KANSL3: variants seen among roughly 807,000 people sequenced by gnomAD.
KANSL3 encodes the protein KAT8 regulatory NSL complex subunit 3, also known as NSL complex protein NSL3.
Under a neutral mutation model 89.2 loss-of-function variants are expected in KANSL3, and 16 were observed. That is an observed-to-expected ratio of 0.18 (90% CI 0.12 to 0.27). KANSL3 has a LOEUF of 0.27. Among genes scored for constraint, KANSL3 ranks in the 10% least tolerant of loss-of-function variants. The pLI is 1.00. For synonymous variants in KANSL3, 385 were observed against 419.7 expected, an observed-to-expected ratio of 0.92 and a Z score of 1.01; for missense variants, 879 against 1,110.6, an observed-to-expected ratio of 0.79 and a Z score of 2.96.
intron 3 of KANSL3, among the ~76,000 whole-genome samples, chr2:96,626,409 A>T (rs1043816691): frequency 5.3e-5 from 8 of 152,204 alleles, no homozygotes; most frequent in Admixed American, 2.0e-4. Context: ...CTTGGACTTA[A>T]AATTTCAAAC....
Position 96,602,825 on chromosome 2 carries a change from G to A in KANSL3, c.2187C>T (p.Ser729=). ...TSASSLLQGL[S]FSLQDISSKT... ...TGCTGCTGATATCCTGCAAGCTGAA[G>A]CTGAGGCCTTGGAGGAGGCTGCTGG... The change falls in exon 18 of 21, where the codon AGC becomes AGT. Residue 729 remains serine (S), a synonymous_variant. Transcript: ENST00000431828. 13 of 1,613,772 alleles carry A rather than the reference G, an allele frequency of 8.1e-6. No individual in the cohort carries two copies. Among genetic ancestry groups the A allele is most frequent in the Non-Finnish European group, 1.1e-5 (13 of 1,179,786 alleles).
At chr2:96,607,329 A>G (rs919315484) in intron 14 of KANSL3, among the ~76,000 whole-genome samples, 2 of 152,190 alleles carry the variant, frequency 1.3e-5, no homozygotes, top group Non-Finnish European at 2.9e-5. Context: ...GTTCGCTATT[A>G]GTATTCCCCG....
At chr2:96,599,429 T>C (rs2066878308) in intron 20 of KANSL3, among the ~76,000 whole-genome samples, 1 of 152,234 alleles carries the variant, frequency 6.6e-6, no homozygotes. Context: ...ATGTTATATA[T>C]GTTTTACCAC....
intron 18 of KANSL3, 95 bp from the exon 19 acceptor site, chr2:96,602,433 G>T: frequency 1.1e-6 from 1 of 882,868 alleles, no homozygotes; most frequent in Non-Finnish European, 1.8e-6. Context: ...AGGCTAACAT[G>T]TATTGAGTGC....
intron 20 of KANSL3, chr2:96,600,239 T>C (rs2066989598): frequency 6.0e-6 from 1 of 167,624 alleles, no homozygotes; most frequent in Admixed American, 6.5e-5. Context: ...TAAAATAACA[T>C]ACTTTGTGTA....
downstream of KANSL3, among the ~76,000 whole-genome samples, chr2:96,592,730 G>A (rs924954425): frequency 1.3e-5 from 2 of 152,208 alleles, no homozygotes; most frequent in Non-Finnish European, 2.9e-5. Flanking sequence ...CAGGCTGGGT[G>A]TGGTGGCTCA....
intron 5 of KANSL3, among the ~76,000 whole-genome samples, chr2:96,618,812 T>C (rs2070705353): frequency 6.6e-6 from 1 of 152,226 alleles, no homozygotes; most frequent in African/African-American, 2.4e-5. Flanking sequence ...CCTGATGCAA[T>C]CACTGGAATC....
At chr2:96,612,012 T>C (rs1335505385) in intron 9 of KANSL3, among the ~76,000 whole-genome samples, 1 of 150,414 alleles carries the variant, frequency 6.6e-6, no homozygotes, top group Admixed American at 6.7e-5. Flanking sequence ...CAGGGTGAGA[T>C]GAAACAAGCC....
chr2:96,630,986 TATATC>T (rs978548108), intron 3 of KANSL3, among the ~76,000 whole-genome samples: 4 of 152,254 alleles, frequency 2.6e-5, no homozygotes, highest in African/African-American at 9.6e-5. Context: ...GGGTAACCCC[TATATC>T]ATAACTTATA....
At chr2:96,613,235 G>A (rs1395307410) in intron 6 of KANSL3, among the ~76,000 whole-genome samples, 1 of 152,118 alleles carries the variant, frequency 6.6e-6, no homozygotes, top group Non-Finnish European at 1.5e-5. Context: ...GCTGGGCATG[G>A]TGGTGCATGC....
intron 5 of KANSL3, among the ~76,000 whole-genome samples, chr2:96,614,309 G>A (rs1241585282): frequency 2.0e-5 from 3 of 152,056 alleles, no homozygotes; most frequent in African/African-American, 4.8e-5. Flanking sequence ...GGTCAGGATG[G>A]TCTTGAACTC....
At chr2:96,605,199 T>C in intron 15 of KANSL3, 121 bp downstream of exon 15, 1 of 867,790 alleles carries the variant, frequency 1.2e-6, no homozygotes, top group Non-Finnish European at 1.8e-6. Context: ...TCATGTCTTC[T>C]TTGCTCCGGG....
chr2:96,596,630 A>AC (rs1343003144), intron 20 of KANSL3, among the ~76,000 whole-genome samples: 2 of 152,166 alleles, frequency 1.3e-5, no homozygotes, highest in African/African-American at 4.8e-5. Flanking sequence ...ATATAGCAAG[A>AC]CCCCATCTCA....
At chr2:96,609,202 G>A (rs1180019738) in intron 12 of KANSL3, 138 bp from the exon 13 acceptor site, 1 of 830,564 alleles carries the variant, frequency 1.2e-6, no homozygotes. Context: ...CTCAAACAAG[G>A]TCTGGCGCAA....
intron 2 of KANSL3, among the ~76,000 whole-genome samples, chr2:96,634,469 T>C (rs949350422): frequency 7.2e-5 from 11 of 152,136 alleles, no homozygotes; most frequent in African/African-American, 9.6e-5. Flanking sequence ...TGAGCCAAGA[T>C]TGCGCCATTG....
At chr2:96,628,430 C>T (rs2072785274) in intron 3 of KANSL3, 1 of 244,432 alleles carries the variant, frequency 4.1e-6, no homozygotes, top group African/African-American at 2.3e-5. Flanking sequence ...GTGGGCAGAC[C>T]ACTTGAGCCA....
chr2:96,622,567 C>T (rs906910429), intron 3 of KANSL3, among the ~76,000 whole-genome samples: 1 of 152,190 alleles, frequency 6.6e-6, no homozygotes, highest in Non-Finnish European at 1.5e-5. Context: ...TTAGTACAAC[C>T]TTTTGGAAAA....
intron 2 of KANSL3, among the ~76,000 whole-genome samples, chr2:96,632,339 C>A (rs182101191): frequency 6.6e-6 from 1 of 151,864 alleles, no homozygotes; most frequent in African/African-American, 2.4e-5. Flanking sequence ...TGGTGGTATG[C>A]GCCTGCAGTC....
rs183519893 is a variant in KANSL3, at chr2:96,593,299, C to A, written c.*2312G>T. On this transcript the variant is annotated 3_prime_UTR_variant, in exon 21 of 21. Transcript: ENST00000431828. ...ACCAAGAGTAGACAGGTCTTCCTAC[C>A]TCAGTGACCTCAAAACACAAGGACA... The A allele has an allele frequency of 6.6e-6, 3 of 456,064 alleles. No individual in the cohort carries two copies. The highest frequency in any genetic ancestry group is 4.6e-5 in the South Asian group (3 of 64,566). The allele number at this position is 456,064 out of a possible 1,614,324, so 28.3% of individuals were successfully genotyped here.
Sources: gnomAD v4.1 joint callset for allele counts (sites outside exome capture counted in the v4.1 genomes callset) on GRCh38, gnomAD v4.1.1 for gene constraint, MANE v1.5 for transcripts, NCBI Gene and HGNC (gene_info 2026-07-23, HGNC 2026-07-21) for gene names.